Variants in ACACB observed in about 807,000 individuals in gnomAD.
ACACB encodes acetyl-CoA carboxylase beta, also known as acetyl-CoA carboxylase 2.
In ACACB, 209 loss-of-function variants were observed where a neutral mutation model predicts 278.8. The observed-to-expected ratio is 0.75, with a 90% confidence interval of 0.67 to 0.84. The LOEUF (loss-of-function observed/expected upper bound fraction) is 0.84, where lower values mean the gene tolerates loss of function less well. ACACB is among the 40% of genes least tolerant of loss of function. The probability of loss-of-function intolerance (pLI) is 0.00; values close to 1 mark genes in which losing one functional copy is unlikely to be tolerated. For synonymous variants in ACACB, 1,174 were observed against 1,285.6 expected (o/e 0.91, Z 1.86); for missense variants, 2,850 against 3,269.0 (o/e 0.87, Z 3.13).
rs768345444 is a variant in ACACB, at chr12:109,171,916, T to G, written c.1035+2T>G. ...ATTGCCAAGAGAATCCCCGTGCAGG[T>G]AGATGGACTGGGGTGCCCAAGTGTG... is the stretch of plus-strand genomic sequence containing the variant. On this transcript the variant is annotated splice_donor_variant, in intron 5 of 52. Coordinates refer to ENST00000338432, the MANE Select transcript of ACACB (RefSeq NM_001093.4). LOFTEE classifies it high-confidence loss of function. 7 of 1,612,840 alleles carry G rather than the reference T, an allele frequency of 4.3e-6. No homozygotes were observed. The highest frequency in any genetic ancestry group is 5.9e-6 in the Non-Finnish European group (7 of 1,178,874).
intron 16 of ACACB, among the ~76,000 whole-genome samples, chr12:109,194,057 G>A (rs756147577): frequency 2.6e-5 from 4 of 152,152 alleles, no homozygotes; most frequent in East Asian, 1.9e-4. Context: ...AGGTGTTGGC[G>A]GGCCGTGGTC....
the ACACB span, chr12:109,111,562 C>CTTTTTTTTTTCTTTCTTTCTTTTTCT: frequency 7.0e-6 from 1 of 141,934 alleles, no homozygotes; most frequent in Non-Finnish European, 1.5e-5. Flanking sequence ...CTTTCTTTTT[C>CTTTTTTTTTTCTTTCTTTCTTTTTCT]TTTTTTTTTT....
intron 13 of ACACB, among the ~76,000 whole-genome samples, chr12:109,190,819 G>A (rs764198120): frequency 2.6e-4 from 40 of 151,660 alleles, no homozygotes; most frequent in African/African-American, 7.5e-4. Context: ...TAGAGATGGC[G>A]TCTCATTATG....
In ACACB at chr12:109,193,654, G is replaced by A. The variant is rs1442422550; in HGVS notation, c.2406G>A (p.Gln802=). ...ACCCTGTCTTTTCTTTCAGGGGCCA[G>A]GTCCTCCCAGCGGATTCACTACTGA... The part of the protein sequence containing the change: ...TDFLHSLERG[Q]VLPADSLLNL... The change falls in exon 16 of 53, where the codon CAG becomes CAA. Residue 802 remains glutamine, a synonymous_variant. Coordinates refer to ENST00000338432, the MANE Select transcript of ACACB (RefSeq NM_001093.4). 3.1e-6 allele frequency: 5 copies of A among 1,613,550 alleles called. No individual in the cohort carries two copies. Among genetic ancestry groups the A allele is most frequent in the South Asian group, 1.1e-5 (1 of 91,074 alleles).
chr12:109,197,321 G>C (rs2136312835), intron 17 of ACACB, among the ~76,000 whole-genome samples, 168 bp downstream of exon 17: 1 of 152,300 alleles, frequency 6.6e-6, no homozygotes, highest in South Asian at 2.1e-4. Flanking sequence ...TTGGAATTCT[G>C]TGCAACTGGC....
In ACACB at chr12:109,130,619, G is replaced by A. The variant is rs2042799641; in HGVS notation, c.-9-8778G>A. ...CGCATTCAGCTGTAGGTTGCAGCAGGTGGCTTTTGAGAAACACTCTGATCT... is the reference window on the plus strand; with the variant it reads ...CGCATTCAGCTGTAGGTTGCAGCAGATGGCTTTTGAGAAACACTCTGATCT... On this transcript the variant is annotated intron_variant, in intron 1 of 52. Transcript: ENST00000338432. Among the ~76,000 whole-genome samples, 3 of 152,168 alleles carry A rather than the reference G, an allele frequency of 2.0e-5. 1 individual carries two copies. Among genetic ancestry groups the A allele is most frequent in the Middle Eastern group, 6.3e-3 (2 of 316 alleles).
rs1308853674 is a variant in ACACB at position 109,185,642 on chromosome 12, T to C, written c.1882T>C (p.Trp628Arg). 6.2e-7 allele frequency: 1 copy of C among 1,613,764 alleles called. No homozygotes were observed. The highest frequency in any genetic ancestry group is 1.3e-5 in the African/African-American group (1 of 74,924). Reference protein sequence around the residue: ...DIRLLYGESPWGVTPISFETP... With the variant: ...DIRLLYGESPRGVTPISFETP... Reference sequence around the variant, plus strand: ...CCGGCTTCTGTATGGAGAGTCACCATGGGGAGTGACTCCCATTTCTTTTGA... The same window carrying C: ...CCGGCTTCTGTATGGAGAGTCACCACGGGGAGTGACTCCCATTTCTTTTGA... The change falls in exon 12 of 53, where the codon TGG becomes CGG. Residue 628 changes from tryptophan (W) to arginine (R), a missense_variant. Around this residue, in one of 3 missense-constraint regions of ACACB, gnomAD observed 2,265 missense variants for 2,561.3 expected, o/e 0.88. Coordinates refer to ENST00000338432, the MANE Select transcript of ACACB (RefSeq NM_001093.4).
chr12:109,213,609 T>G (rs1289386000), intron 22 of ACACB, among the ~76,000 whole-genome samples: 1 of 151,986 alleles, frequency 6.6e-6, no homozygotes, highest in East Asian at 1.9e-4. Flanking sequence ...TTCTTTGTTT[T>G]TTTGAGATGG....
At chr12:109,210,387 GTATA>G (rs1252004821) in intron 21 of ACACB, among the ~76,000 whole-genome samples, 9 of 138,302 alleles carry the variant, frequency 6.5e-5, no homozygotes, top group African/African-American at 2.2e-4. Context: ...ACACACATGT[GTATA>G]TATGTATATA....
intron 21 of ACACB, among the ~76,000 whole-genome samples, 175 bp downstream of exon 21, chr12:109,209,528 T>G (rs2045620175): frequency 6.6e-6 from 1 of 152,156 alleles, no homozygotes; most frequent in South Asian, 2.1e-4. Context: ...TCCTATCATT[T>G]ACTCAAAGCA....
chr12:109,118,179 G>A (rs1385431864), intron 1 of ACACB, among the ~76,000 whole-genome samples: 1 of 152,180 alleles, frequency 6.6e-6, no homozygotes, highest in Non-Finnish European at 1.5e-5. Flanking sequence ...GTGATTTAGA[G>A]ATGAAAATAT....
chr12:109,213,037 C>A, intron 22 of ACACB, 101 bp downstream of exon 22: 2 of 1,004,752 alleles, frequency 2.0e-6, no homozygotes, highest in Middle Eastern at 2.1e-4. Context: ...CAGGCTTGAA[C>A]TGAGAGAAAG....
chr12:109,233,692 C>T, intron 29 of ACACB, 56 bp from the exon 30 acceptor site: 2 of 1,480,346 alleles, frequency 1.4e-6, no homozygotes, highest in South Asian at 2.3e-5. Flanking sequence ...GGAAGCTTGA[C>T]CTCATCCCCA....
At chr12:109,171,728 AGTCACATCTT>A (rs1565885556) in intron 4 of ACACB, 67 bp from the exon 5 acceptor site, 2 of 1,066,514 alleles carry the variant, frequency 1.9e-6, no homozygotes, top group Non-Finnish European at 2.9e-6. Flanking sequence ...GGCTGTACAT[AGTCACATCTT>A]GTAATGTTCT....
At chr12:109,238,406 TTATATATAATAA>T (rs2046696110) in intron 34 of ACACB, among the ~76,000 whole-genome samples, 1 of 140,308 alleles carries the variant, frequency 7.1e-6, no homozygotes, top group Non-Finnish European at 1.5e-5. Context: ...ATATATATAA[TTATATATAATAA>T]TATATATAAT....
At chr12:109,244,125 C>T (rs987728495) in intron 37 of ACACB, among the ~76,000 whole-genome samples, 3 of 152,062 alleles carry the variant, frequency 2.0e-5, no homozygotes, top group African/African-American at 2.4e-5. Flanking sequence ...CTACAAAGAA[C>T]GCAAACAAAT....
At chr12:109,152,652 T>C (rs1454209582) in intron 2 of ACACB, among the ~76,000 whole-genome samples, 21 of 143,570 alleles carry the variant, frequency 1.5e-4, no homozygotes, top group Non-Finnish European at 2.8e-4. Flanking sequence ...TTTTTTTTTT[T>C]TTTTTTTTTT....
At chr12:109,123,798 C>G (rs2042611520) in intron 1 of ACACB, among the ~76,000 whole-genome samples, 2 of 151,708 alleles carry the variant, frequency 1.3e-5, no homozygotes, top group South Asian at 4.1e-4. Flanking sequence ...CCCATCTCAG[C>G]CTCCAGAGTA....
rs779789088 is a variant in ACACB at position 109,185,741 on chromosome 12, G to C, written c.1980+1G>C. 2 of 1,607,844 alleles carry C rather than the reference G, an allele frequency of 1.2e-6. No individual in the cohort carries two copies. The highest frequency in any genetic ancestry group is 1.7e-6 in the Non-Finnish European group (2 of 1,175,850). Reference sequence around the variant, plus strand: ...AATCACCAGCGAAAACCCAGACGAGGCAAGTTATGGGGGCCCCTGTGTTTC... The same window carrying C: ...AATCACCAGCGAAAACCCAGACGAGCCAAGTTATGGGGGCCCCTGTGTTTC... On this transcript the variant is annotated splice_donor_variant, in intron 12 of 52. Coordinates refer to ENST00000338432, the MANE Select transcript of ACACB (RefSeq NM_001093.4). LOFTEE classifies it high-confidence loss of function.
Sources: allele counts gnomAD v4.1 joint callset (sites outside exome capture counted in the v4.1 genomes callset), GRCh38; gene constraint gnomAD v4.1.1; regional missense constraint gnomAD v4.1.1; transcripts MANE v1.5; gene names NCBI Gene and HGNC (gene_info 2026-07-23, HGNC 2026-07-21).